PTPRD: variants seen among roughly 807,000 people sequenced by gnomAD.
PTPRD encodes the protein protein tyrosine phosphatase receptor type D.
A neutral mutation model predicts 214.5 loss-of-function variants in PTPRD; 34 were observed. The ratio of observed to expected loss-of-function variants is 0.16; its 90% confidence interval spans 0.12 to 0.21. The LOEUF (loss-of-function observed/expected upper bound fraction) is 0.21, where lower values mean the gene tolerates loss of function less well. PTPRD is among the 10% of genes least tolerant of loss of function. The pLI, the probability that PTPRD is intolerant of heterozygous loss-of-function variation, is 1.00. For missense variants in PTPRD, 2,545 were observed against 2,398.7 expected, an observed-to-expected ratio of 1.06 and a Z score of -1.27; for synonymous variants, 1,128 against 845.7, an observed-to-expected ratio of 1.33 and a Z score of -5.79.
chr9:9,138,977 G>C (rs965412621), intron 10 of PTPRD, among the ~76,000 whole-genome samples: 1 of 151,934 alleles, frequency 6.6e-6, no homozygotes, highest in African/African-American at 2.4e-5. Context: ...TCTTCATTAA[G>C]GTATTATATT....
intron 8 of PTPRD, among the ~76,000 whole-genome samples, chr9:9,428,629 C>T (rs989131316): frequency 4.6e-5 from 7 of 152,184 alleles, no homozygotes; most frequent in Non-Finnish European, 1.0e-4. Flanking sequence ...CGCACTTATT[C>T]CAAAACTGAC....
At chr9:8,593,267 T>C (rs2094247607) in intron 14 of PTPRD, among the ~76,000 whole-genome samples, 1 of 152,192 alleles carries the variant, frequency 6.6e-6, no homozygotes, top group Admixed American at 6.5e-5. Flanking sequence ...GTTAAGATGG[T>C]AAAGTCAGCA....
intron 44 of PTPRD, among the ~76,000 whole-genome samples, chr9:8,329,695 C>T (rs1221540846): frequency 1.3e-5 from 2 of 152,154 alleles, no homozygotes; most frequent in Non-Finnish European, 2.9e-5. Flanking sequence ...GGGCTGCTGT[C>T]TTTCTTTCAG....
intron 3 of PTPRD, among the ~76,000 whole-genome samples, chr9:10,119,022 A>G (rs1228686112): frequency 2.0e-5 from 3 of 151,840 alleles, no homozygotes; most frequent in African/African-American, 7.2e-5. Context: ...ACAAATCCAA[A>G]CAAAATAAAA....
chr9:8,442,344 C>T (rs1292432504), intron 34 of PTPRD, among the ~76,000 whole-genome samples: 1 of 151,906 alleles, frequency 6.6e-6, no homozygotes, highest in Non-Finnish European at 1.5e-5. Context: ...GCTCTATTTT[C>T]ATATTTTTAA....
intron 11 of PTPRD, among the ~76,000 whole-genome samples, chr9:8,749,493 T>A (rs1370280989): frequency 6.6e-6 from 1 of 152,166 alleles, no homozygotes; most frequent in Non-Finnish European, 1.5e-5. Flanking sequence ...CAGGTGAAGT[T>A]TGGATTTTTT....
chr9:9,318,916 C>G (rs1964919048), intron 9 of PTPRD, among the ~76,000 whole-genome samples: 1 of 152,096 alleles, frequency 6.6e-6, no homozygotes, highest in African/African-American at 2.4e-5. Flanking sequence ...TTGATTTATG[C>G]CAGCTCAATC....
intron 8 of PTPRD, among the ~76,000 whole-genome samples, chr9:9,516,093 T>C (rs541975109): frequency 6.6e-6 from 1 of 152,260 alleles, no homozygotes; most frequent in East Asian, 1.9e-4. Flanking sequence ...TAATTTTGAG[T>C]ATACTCTAAC....
intron 11 of PTPRD, among the ~76,000 whole-genome samples, chr9:8,894,122 G>A (rs906097597): frequency 6.6e-6 from 1 of 152,118 alleles, no homozygotes; most frequent in Non-Finnish European, 1.5e-5. Context: ...TGGAGGCCAA[G>A]GCGGGTGGAT....
intron 14 of PTPRD, among the ~76,000 whole-genome samples, chr9:8,554,350 A>T (rs967125669): frequency 6.6e-6 from 1 of 152,238 alleles, no homozygotes; most frequent in Non-Finnish European, 1.5e-5. Flanking sequence ...TCATGTTTTG[A>T]TATCACAGAA....
intron 14 of PTPRD, among the ~76,000 whole-genome samples, chr9:8,602,391 T>C (rs1471319515): frequency 6.6e-6 from 1 of 152,084 alleles, no homozygotes; most frequent in Non-Finnish European, 1.5e-5. Flanking sequence ...CACTTATAAA[T>C]AGGATGACAA....
chr9:8,715,632 G>C (rs923983713), intron 12 of PTPRD, among the ~76,000 whole-genome samples: 8 of 152,012 alleles, frequency 5.3e-5, no homozygotes, highest in African/African-American at 1.9e-4. Context: ...AACACATACG[G>C]ACCTACAAAA....
intron 30 of PTPRD, among the ~76,000 whole-genome samples, chr9:8,471,565 T>C (rs879302427): frequency 6.6e-6 from 1 of 152,186 alleles, no homozygotes; most frequent in African/African-American, 2.4e-5. Context: ...TTTATTTGAA[T>C]TAAAAATTTT....
At chr9:9,669,693 T>C (rs1053217538) in intron 7 of PTPRD, among the ~76,000 whole-genome samples, 1 of 152,200 alleles carries the variant, frequency 6.6e-6, no homozygotes, top group African/African-American at 2.4e-5. Flanking sequence ...AATTTTCATA[T>C]AATCTGGCCA....
At chr9:10,326,796 G>C (rs1426036353) in intron 3 of PTPRD, among the ~76,000 whole-genome samples, 2 of 151,222 alleles carry the variant, frequency 1.3e-5, no homozygotes, top group Non-Finnish European at 3.0e-5. Flanking sequence ...CTCTCTACCG[G>C]TTTGTTTGTT....
chr9:10,061,952 C>G (rs551768350), intron 3 of PTPRD, among the ~76,000 whole-genome samples: 1 of 151,892 alleles, frequency 6.6e-6, no homozygotes, highest in African/African-American at 2.4e-5. Context: ...ATCGGAAACT[C>G]TGGAAATGGA....
At chr9:9,764,099 T>C (rs1304724078) in intron 6 of PTPRD, among the ~76,000 whole-genome samples, 1 of 152,142 alleles carries the variant, frequency 6.6e-6, no homozygotes, top group Non-Finnish European at 1.5e-5. Context: ...CCATCTAAGA[T>C]TATAACTCTT....
intron 3 of PTPRD, among the ~76,000 whole-genome samples, chr9:10,069,178 G>C (rs577276437): frequency 6.6e-6 from 1 of 152,074 alleles, no homozygotes; most frequent in South Asian, 2.1e-4. Flanking sequence ...ACAGGGAAGG[G>C]AGATAAGACA....
At chr9:8,323,047 A>G (rs1254016463) in intron 44 of PTPRD, among the ~76,000 whole-genome samples, 2 of 152,238 alleles carry the variant, frequency 1.3e-5, no homozygotes, top group African/African-American at 4.8e-5. Flanking sequence ...TTGAACATCA[A>G]GACAGGCTGA....
Sources: gnomAD v4.1 joint callset for allele counts (sites outside exome capture counted in the v4.1 genomes callset) on GRCh38, gnomAD v4.1.1 for gene constraint, MANE v1.5 for transcripts, NCBI Gene and HGNC (gene_info 2026-07-23, HGNC 2026-07-21) for gene names.